The following LRRTM4 variants were observed in gnomAD, a reference collection of about 807,000 sequenced individuals.
The protein encoded by LRRTM4 is leucine rich repeat transmembrane neuronal 4.
LRRTM4 carries 25 observed loss-of-function variants against 47.6 expected under a neutral mutation model. The ratio of observed to expected loss-of-function variants is 0.53; its 90% CI spans 0.38 to 0.73. LRRTM4 has a LOEUF of 0.73. Ranked by LOEUF, LRRTM4 falls within the 30% of genes least tolerant of loss-of-function variation. The pLI, the probability that LRRTM4 is intolerant of heterozygous loss-of-function variation, is 0.00. For missense variants in LRRTM4, 638 were observed against 713.4 expected, an observed-to-expected ratio of 0.89 and a Z score of 1.20; for synonymous variants, 311 against 269.5, an observed-to-expected ratio of 1.15 and a Z score of -1.51.
chr2:76,917,066 C>A (rs547167927), intron 3 of LRRTM4, among the ~76,000 whole-genome samples: 6 of 151,894 alleles, frequency 4.0e-5, no homozygotes, highest in Admixed American at 6.6e-5. Context: ...TTGGTGTAGA[C>A]CAGGGGTTGG....
intron 3 of LRRTM4, among the ~76,000 whole-genome samples, chr2:76,973,208 T>C (rs1465734956): frequency 6.6e-6 from 1 of 152,012 alleles, no homozygotes; most frequent in Non-Finnish European, 1.5e-5. Flanking sequence ...TTACCATGAT[T>C]AGAATATGAC....
At chr2:76,786,495 T>A (rs1032287064) in intron 3 of LRRTM4, among the ~76,000 whole-genome samples, 2 of 151,212 alleles carry the variant, frequency 1.3e-5, no homozygotes, top group Non-Finnish European at 3.0e-5. Context: ...ATTGAATTAA[T>A]AAGAATTATG....
intron 3 of LRRTM4, among the ~76,000 whole-genome samples, chr2:76,812,043 G>C (rs913456937): frequency 6.6e-6 from 1 of 151,724 alleles, no homozygotes; most frequent in Non-Finnish European, 1.5e-5. Context: ...TTTTTTCCTG[G>C]AGCAATAAAA....
Position 77,032,298 on chromosome 2 carries a change from G to A in LRRTM4, c.1552-283382C>T, listed in dbSNP as rs1423126724. 2.0e-5 allele frequency among the ~76,000 whole-genome samples: 3 copies of A among 152,072 alleles called. 1 individual carries two copies. The highest frequency in any genetic ancestry group is 2.0e-4 in the Admixed American group (3 of 15,246). On this transcript the variant is annotated intron_variant, in intron 3 of 3. Coordinates refer to ENST00000409884, the MANE Select transcript of LRRTM4 (RefSeq NM_001134745.3). ...TCCTTGCTCAATTTTCATTATATCA[G>A]AGAGGTTAGTCTAATCATCTCAAAC...
At chr2:77,040,001 A>T (rs552689859) in intron 3 of LRRTM4, among the ~76,000 whole-genome samples, 3 of 151,270 alleles carry the variant, frequency 2.0e-5, no homozygotes, top group South Asian at 4.1e-4. Context: ...AAGTATGAGG[A>T]TGTATTTGTT....
intron 3 of LRRTM4, among the ~76,000 whole-genome samples, chr2:77,040,295 C>T (rs796779928): frequency 2.6e-5 from 4 of 151,444 alleles, no homozygotes; most frequent in African/African-American, 9.7e-5. Context: ...CAAATTACAG[C>T]TCATCATTTG....
intron 3 of LRRTM4, among the ~76,000 whole-genome samples, chr2:76,977,924 A>C (rs910750508): frequency 6.6e-6 from 1 of 152,124 alleles, no homozygotes; most frequent in South Asian, 2.1e-4. Flanking sequence ...TATGTCTAAG[A>C]AAGAACTGAA....
chr2:76,777,075 G>A (rs1320883525), intron 3 of LRRTM4, among the ~76,000 whole-genome samples: 30 of 140,266 alleles, frequency 2.1e-4, no homozygotes, highest in Non-Finnish European at 2.8e-4. Context: ...TTGTAGATAC[G>A]CGGCATTATT....
intron 3 of LRRTM4, among the ~76,000 whole-genome samples, chr2:77,229,047 C>G (rs1674894190): frequency 6.6e-6 from 1 of 152,084 alleles, no homozygotes; most frequent in South Asian, 2.1e-4. Flanking sequence ...CTTTATATCA[C>G]TCATCCTAGC....
intron 3 of LRRTM4, among the ~76,000 whole-genome samples, chr2:77,295,637 G>A (rs1352253842): frequency 6.6e-6 from 1 of 152,076 alleles, no homozygotes; most frequent in Non-Finnish European, 1.5e-5. Flanking sequence ...TGAAGGTGTC[G>A]AGCAGGGTTG....
chr2:77,066,688 G>A (rs116262346), intron 3 of LRRTM4, among the ~76,000 whole-genome samples: 3,272 of 152,226 alleles, frequency 0.021, 78 homozygotes, highest in African/African-American at 0.067. Flanking sequence ...GAGATATGTA[G>A]GCATATACAT....
At chr2:77,337,082 A>G (rs1671194247) in intron 3 of LRRTM4, among the ~76,000 whole-genome samples, 1 of 152,160 alleles carries the variant, frequency 6.6e-6, no homozygotes, top group Admixed American at 6.6e-5. Flanking sequence ...AATAACATTC[A>G]AGCTGAGAAC....
At chr2:77,345,581 A>G (rs1401685605) in intron 3 of LRRTM4, among the ~76,000 whole-genome samples, 1 of 151,966 alleles carries the variant, frequency 6.6e-6, no homozygotes, top group East Asian at 1.9e-4. Context: ...AGGATAATGC[A>G]AACTAAAACT....
At chr2:77,492,730 A>G (rs1453350471) in intron 3 of LRRTM4, among the ~76,000 whole-genome samples, 1 of 152,208 alleles carries the variant, frequency 6.6e-6, no homozygotes, top group African/African-American at 2.4e-5. Flanking sequence ...GTATAAGGAT[A>G]CTTTATGAAA....
chr2:76,790,553 G>T (rs901541705), intron 3 of LRRTM4, among the ~76,000 whole-genome samples: 1 of 152,132 alleles, frequency 6.6e-6, no homozygotes, highest in Admixed American at 6.5e-5. Context: ...AGAAAAACAT[G>T]TAAAATCCTA....
intron 3 of LRRTM4, among the ~76,000 whole-genome samples, chr2:76,901,480 G>A (rs1406803000): frequency 1.3e-5 from 2 of 151,514 alleles, no homozygotes; most frequent in African/African-American, 4.9e-5. Context: ...GACTTAGACA[G>A]AAAAAAGGGA....
intron 3 of LRRTM4, among the ~76,000 whole-genome samples, chr2:76,889,494 T>C (rs975864882): frequency 7.2e-5 from 11 of 151,970 alleles, no homozygotes; most frequent in African/African-American, 2.7e-4. Flanking sequence ...TCTTCAAGAT[T>C]ATTACTGTTC....
At chr2:76,911,940 G>GC (rs1364530510) in intron 3 of LRRTM4, among the ~76,000 whole-genome samples, 3 of 136,208 alleles carry the variant, frequency 2.2e-5, no homozygotes, top group Admixed American at 1.4e-4. Context: ...CTTTTTGGGG[G>GC]GGGGGGGGGG....
chr2:77,403,885 T>TA (rs893824593), intron 3 of LRRTM4, among the ~76,000 whole-genome samples: 11 of 150,288 alleles, frequency 7.3e-5, no homozygotes, highest in South Asian at 4.1e-4. Flanking sequence ...TATATATATA[T>TA]TTTAGGAAAG....
Sources: gnomAD v4.1 joint callset for allele counts (sites outside exome capture counted in the v4.1 genomes callset) on GRCh38, gnomAD v4.1.1 for gene constraint, MANE v1.5 for transcripts, NCBI Gene and HGNC (gene_info 2026-07-23, HGNC 2026-07-21) for gene names.